The following LARGE1 variants were observed in gnomAD, a reference collection of about 807,000 sequenced individuals.
The protein encoded by LARGE1 is LARGE xylosyl- and glucuronyltransferase 1.
In LARGE1, 43 loss-of-function variants were observed where a neutral mutation model predicts 87.6. The ratio of observed to expected loss-of-function variants is 0.49; its 90% CI spans 0.38 to 0.63. The LOEUF is 0.63. Among genes scored for constraint, LARGE1 ranks in the 30% least tolerant of loss-of-function variants. LARGE1 has a pLI of 0.00. For synonymous variants in LARGE1, 434 were observed against 394.6 expected, an observed-to-expected ratio of 1.10 and a Z score of -1.18; for missense variants, 802 against 1,000.2, an observed-to-expected ratio of 0.80 and a Z score of 2.67.
chr22:33,903,554 C>T (rs759917580), intron 1 of LARGE1, among the ~76,000 whole-genome samples: 10 of 152,098 alleles, frequency 6.6e-5, no homozygotes, highest in African/African-American at 1.7e-4. Flanking sequence ...TGGCCAGGCG[C>T]GGTGGCTCAC....
intron 1 of LARGE1, among the ~76,000 whole-genome samples, chr22:33,859,548 T>G (rs1215191259): frequency 6.6e-6 from 1 of 152,172 alleles, no homozygotes; most frequent in Non-Finnish European, 1.5e-5. Flanking sequence ...AAGGCCACAT[T>G]GTATAAAATT....
intron 5 of LARGE1, among the ~76,000 whole-genome samples, chr22:33,581,641 A>T (rs1437484546): frequency 1.3e-5 from 2 of 151,772 alleles, no homozygotes; most frequent in Admixed American, 6.6e-5. Flanking sequence ...GTGAAACCCC[A>T]TCTCTACTAA....
chr22:33,332,682 C>A lies in LARGE1; in HGVS notation c.1287+4964G>T, dbSNP rs140095454. ...TTTGGGCTGGATCCAAGATCATACCCTTTCCCTCTGGTTGTGTCTGCAGAT... is the reference window on the plus strand; with the variant it reads ...TTTGGGCTGGATCCAAGATCATACCATTTCCCTCTGGTTGTGTCTGCAGAT... On this transcript the variant is annotated intron_variant, in intron 10 of 14. Coordinates refer to ENST00000397394, the MANE Select transcript of LARGE1 (RefSeq NM_133642.5). Among the ~76,000 whole-genome samples the A allele has an allele frequency of 9.2e-5, 14 of 152,320 alleles. No individual in the cohort carries two copies. In the East Asian group the frequency reaches 2.7e-3, roughly 29 times the overall value.
chr22:33,210,218 C>T (rs1030724609), intron 11 of LARGE1, among the ~76,000 whole-genome samples: 1 of 152,258 alleles, frequency 6.6e-6, no homozygotes, highest in African/African-American at 2.4e-5. Flanking sequence ...GGGTCCCTAC[C>T]AGCCGCCCTC....
intron 1 of LARGE1, among the ~76,000 whole-genome samples, chr22:33,815,795 C>G (rs552798122): frequency 2.0e-5 from 3 of 152,172 alleles, no homozygotes; most frequent in African/African-American, 7.2e-5. Context: ...GACGGCTCAG[C>G]AGAGCCCTGT....
chr22:33,726,246 A>G (rs2083270257), intron 2 of LARGE1: 1 of 152,266 alleles, frequency 6.6e-6, no homozygotes, highest in African/African-American at 2.4e-5. Context: ...ACAGATTGAG[A>G]CAAAAATGGG....
At chr22:33,782,331 T>G (rs447336) in intron 1 of LARGE1, among the ~76,000 whole-genome samples, 137,588 of 152,226 alleles carry the variant, frequency 0.9, 62,274 homozygotes, top group East Asian at 0.97. Context: ...GGAGCTAGAA[T>G]AAGAGGAGAG....
chr22:33,634,984 G>A (rs1330744903), intron 3 of LARGE1, among the ~76,000 whole-genome samples: 1 of 152,070 alleles, frequency 6.6e-6, no homozygotes, highest in Non-Finnish European at 1.5e-5. Flanking sequence ...CAGGCGCAGT[G>A]GCGGGCACCT....
chr22:33,074,166 G>T, the LARGE1 span, among the ~76,000 whole-genome samples: 1 of 152,132 alleles, frequency 6.6e-6, no homozygotes, highest in Non-Finnish European at 1.5e-5. Flanking sequence ...GCTTGGCTTT[G>T]TGTCCCCCTC....
intron 6 of LARGE1, among the ~76,000 whole-genome samples, chr22:33,514,372 G>GT (rs2071201649): frequency 6.6e-6 from 1 of 151,940 alleles, no homozygotes; most frequent in African/African-American, 2.4e-5. Context: ...ACACACATAT[G>GT]TATCACAGGT....
At chr22:33,470,547 T>C (rs1569192521) in intron 6 of LARGE1, among the ~76,000 whole-genome samples, 1 of 152,222 alleles carries the variant, frequency 6.6e-6, no homozygotes, top group Non-Finnish European at 1.5e-5. Flanking sequence ...AACACACCAG[T>C]GCATGCTGTC....
intron 2 of LARGE1, among the ~76,000 whole-genome samples, chr22:33,677,632 T>A (rs555970440): frequency 1.2e-3 from 190 of 152,214 alleles, no homozygotes; most frequent in African/African-American, 4.3e-3. Context: ...TTATCTGGGG[T>A]TTGCAGCATT....
At chr22:33,583,873 T>C (rs533663566) in intron 5 of LARGE1, among the ~76,000 whole-genome samples, 1 of 152,284 alleles carries the variant, frequency 6.6e-6, no homozygotes, top group East Asian at 1.9e-4. Context: ...CCAAGACACA[T>C]ATATAGGCAT....
chr22:33,752,430 A>C (rs1229731813), intron 2 of LARGE1, among the ~76,000 whole-genome samples: 1 of 152,186 alleles, frequency 6.6e-6, no homozygotes, highest in African/African-American at 2.4e-5. Context: ...AAAACCAGGA[A>C]ACCTGCAACA....
At chr22:33,239,520 T>C (rs1602134389) in intron 11 of LARGE1, among the ~76,000 whole-genome samples, 1 of 149,090 alleles carries the variant, frequency 6.7e-6, no homozygotes, top group East Asian at 2.0e-4. Flanking sequence ...GCCTTACTAT[T>C]TCTTTTTTTC....
intron 6 of LARGE1, among the ~76,000 whole-genome samples, chr22:33,502,748 T>C (rs529656246): frequency 1.4e-4 from 22 of 152,188 alleles, no homozygotes; most frequent in African/African-American, 4.8e-4. Flanking sequence ...TTTGTGTTTT[T>C]AGTAGAGACA....
chr22:33,226,071 C>T (rs895180430), intron 11 of LARGE1, among the ~76,000 whole-genome samples: 1 of 152,174 alleles, frequency 6.6e-6, no homozygotes, highest in African/African-American at 2.4e-5. Flanking sequence ...TGGGTATATA[C>T]CCAGTGATGG....
At chr22:33,127,569 T>A in the LARGE1 span, among the ~76,000 whole-genome samples, 1 of 152,218 alleles carries the variant, frequency 6.6e-6, no homozygotes, top group Non-Finnish European at 1.5e-5. Context: ...TCATCTCTAG[T>A]TCTTTCTCAT....
chr22:33,633,128 G>C lies in LARGE1; in HGVS notation c.409-6802C>G, dbSNP rs549019665. 9.2e-5 allele frequency among the ~76,000 whole-genome samples: 14 copies of C among 152,236 alleles called. No homozygotes were observed. The South Asian group carries it at 2.7e-3, about 29-fold the overall frequency. On this transcript the variant is annotated intron_variant, in intron 3 of 14. Coordinates refer to ENST00000397394, the MANE Select transcript of LARGE1 (RefSeq NM_133642.5). ...TTGCCAGTGTTCCAGGACTGTTCTG[G>C]GCTTGGAGGAAATAAAGGTAAATTT...
Sources: gnomAD v4.1 joint callset for allele counts (sites outside exome capture counted in the v4.1 genomes callset) on GRCh38, gnomAD v4.1.1 for gene constraint, MANE v1.5 for transcripts, NCBI Gene and HGNC (gene_info 2026-07-23, HGNC 2026-07-21) for gene names.